GAN: variants seen among roughly 807,000 people sequenced by gnomAD.
GAN encodes the protein gigaxonin.
GAN carries 48 observed loss-of-function variants against 71.3 expected under a neutral mutation model. The ratio of observed to expected loss-of-function variants is 0.67; its 90% confidence interval spans 0.53 to 0.86. The LOEUF (loss-of-function observed/expected upper bound fraction) is 0.86, where lower values mean the gene tolerates loss of function less well. Among genes scored for constraint, GAN ranks in the 40% least tolerant of loss-of-function variants. The probability of loss-of-function intolerance (pLI) is 0.00; values close to 1 mark genes in which losing one functional copy is unlikely to be tolerated. For missense variants in GAN, 928 were observed against 770.1 expected (o/e 1.21, Z -2.43); for synonymous variants, 386 against 276.8 (o/e 1.39, Z -3.92).
chr16:81,354,855 A>G (rs1296280271), intron 3 of GAN, 100 bp downstream of exon 3: 3 of 729,402 alleles, frequency 4.1e-6, no homozygotes, highest in Non-Finnish European at 4.8e-6. Context: ...AAGACTTACG[A>G]TGCAGCAATC....
At chr16:81,359,767 A>T (rs1289647852) in intron 5 of GAN, among the ~76,000 whole-genome samples, 4 of 152,200 alleles carry the variant, frequency 2.6e-5, no homozygotes, top group African/African-American at 9.7e-5. Context: ...TGTTTTTACT[A>T]TACATCCATA....
chr16:81,317,213 A>T (rs1909073598), intron 1 of GAN, among the ~76,000 whole-genome samples: 1 of 152,216 alleles, frequency 6.6e-6, no homozygotes, highest in Non-Finnish European at 1.5e-5. Flanking sequence ...TGTGCCTATC[A>T]GTTAATGTAT....
chr16:81,326,779 G>A (rs1406971513), intron 1 of GAN, among the ~76,000 whole-genome samples: 3 of 152,152 alleles, frequency 2.0e-5, no homozygotes, highest in Non-Finnish European at 2.9e-5. Context: ...ACAACACAGC[G>A]GCAAGTATAT....
chr16:81,341,871 G>C (rs1909954559), intron 1 of GAN, among the ~76,000 whole-genome samples: 1 of 152,204 alleles, frequency 6.6e-6, no homozygotes, highest in Non-Finnish European at 1.5e-5. Context: ...CCATCAGTGT[G>C]CTGTGTTCAG....
intron 1 of GAN, among the ~76,000 whole-genome samples, chr16:81,337,301 C>A (rs1909796234): frequency 6.6e-6 from 1 of 152,184 alleles, no homozygotes; most frequent in Non-Finnish European, 1.5e-5. Flanking sequence ...CATTCGAAAT[C>A]ATGAGTAATG....
chr16:81,320,252 T>C (rs1421344620), intron 1 of GAN, among the ~76,000 whole-genome samples: 1 of 152,216 alleles, frequency 6.6e-6, no homozygotes, highest in African/African-American at 2.4e-5. Context: ...AGACATTATT[T>C]TTTGAATATC....
At chr16:81,346,862 C>G (rs146345150) in intron 1 of GAN, among the ~76,000 whole-genome samples, 62 of 152,312 alleles carry the variant, frequency 4.1e-4, no homozygotes, top group African/African-American at 1.1e-3. Flanking sequence ...ACTCTCACCT[C>G]CTCCAGTGTC....
At chr16:81,331,353 T>C (rs1017840176) in intron 1 of GAN, among the ~76,000 whole-genome samples, 2 of 152,200 alleles carry the variant, frequency 1.3e-5, no homozygotes, top group Non-Finnish European at 2.9e-5. Flanking sequence ...TGGGACTAGA[T>C]TGGATCCTAG....
chr16:81,351,541 C>A, intron 1 of GAN, 42 bp from the exon 2 acceptor site: 1 of 829,838 alleles, frequency 1.2e-6, no homozygotes, highest in Non-Finnish European at 2.1e-6. Flanking sequence ...ATAGCTATTT[C>A]TGTTCTTTCA....
chr16:81,369,316 G>A (rs1343518034), intron 9 of GAN, among the ~76,000 whole-genome samples: 1 of 152,126 alleles, frequency 6.6e-6, no homozygotes, highest in Non-Finnish European at 1.5e-5. Context: ...TAGAAAACCA[G>A]AAACAATACT....
chr16:81,330,019 T>C (rs8055879), intron 1 of GAN, among the ~76,000 whole-genome samples: 148,792 of 152,270 alleles, frequency 0.98, 72,768 homozygotes, highest in Non-Finnish European at 1. Context: ...AGAGATATCA[T>C]CACCTCGCTC....
chr16:81,364,953 A>G (rs1214221235), intron 7 of GAN, 21 bp from the exon 8 acceptor site: 1 of 1,613,288 alleles, frequency 6.2e-7, no homozygotes, highest in Admixed American at 1.7e-5. Context: ...CCTCTCCCCC[A>G]CCATTGTTCT....
chr16:81,315,195 C>G lies in GAN; in HGVS notation c.82C>G (p.Arg28Gly), dbSNP rs747806896. The change falls in exon 1 of 11, where the codon CGC becomes GGC. Residue 28 changes from arginine to glycine, a missense_variant. Arg to Gly is a moderately radical substitution (Grantham distance 125, BLOSUM62 -2). Coordinates refer to ENST00000648994, the MANE Select transcript of GAN (RefSeq NM_022041.4). ...RALSSFREES[R>G]FCDAHLVLDG... ...GCTCAGCTCTTTCCGCGAGGAGTCT[C>G]GCTTCTGCGACGCGCACCTGGTCCT... is the stretch of plus-strand genomic sequence containing the variant. The G allele has an allele frequency of 3.0e-5, 48 of 1,577,160 alleles. No individual in the cohort carries two copies. The highest frequency in any genetic ancestry group is 3.1e-5 in the Non-Finnish European group (36 of 1,164,070).
intron 1 of GAN, among the ~76,000 whole-genome samples, chr16:81,350,103 G>T (rs1214063306): frequency 1.3e-5 from 2 of 151,730 alleles, no homozygotes; most frequent in Non-Finnish European, 2.9e-5. Flanking sequence ...TTTTTAAAAG[G>T]CCCCTTTTAA....
chr16:81,334,850 C>G (rs1410382947), intron 1 of GAN, among the ~76,000 whole-genome samples: 1 of 152,206 alleles, frequency 6.6e-6, no homozygotes, highest in East Asian at 1.9e-4. Flanking sequence ...TCCACTGGTT[C>G]TCTAACCTGG....
rs1182736078 is a variant in GAN, at chr16:81,379,991, C to T, written c.*2395C>T. 6.6e-6 allele frequency: 1 copy of T among 151,982 alleles called. No homozygotes were observed. Among genetic ancestry groups the T allele is most frequent in the African/African-American group, 2.4e-5 (1 of 41,200 alleles). The allele number at this position is 151,982 out of a possible 1,614,324, so 9.4% of individuals were successfully genotyped here. A position where few individuals can be genotyped will look rare whatever the true frequency, so the allele number is the denominator to read the frequency against. On this transcript the variant is annotated 3_prime_UTR_variant, in exon 11 of 11. Coordinates refer to ENST00000648994, the MANE Select transcript of GAN (RefSeq NM_022041.4). ...ATAATGTTTTATAAAATAAATTTGC[C>T]ACATAATATGGGATGCAATAACCAA...
chr16:81,345,826 T>C (rs921191099), intron 1 of GAN, among the ~76,000 whole-genome samples: 1 of 152,218 alleles, frequency 6.6e-6, no homozygotes, highest in Non-Finnish European at 1.5e-5. Flanking sequence ...GCAAGACGCA[T>C]GCAAGTTTTC....
intron 9 of GAN, among the ~76,000 whole-genome samples, chr16:81,372,767 G>C: frequency 6.6e-6 from 1 of 152,218 alleles, no homozygotes; most frequent in East Asian, 1.9e-4. Context: ...TTTATGTTTA[G>C]GCCTGAAGAC....
chr16:81,326,271 ACTTTGGGAGG>A (rs1909383211), intron 1 of GAN, among the ~76,000 whole-genome samples: 1 of 151,798 alleles, frequency 6.6e-6, no homozygotes, highest in Admixed American at 6.6e-5. Flanking sequence ...TAATCCCAGC[ACTTTGGGAGG>A]CTGAAGCGGG....
Sources: gnomAD v4.1 joint callset for allele counts (sites outside exome capture counted in the v4.1 genomes callset) on GRCh38, gnomAD v4.1.1 for gene constraint, MANE v1.5 for transcripts, NCBI Gene and HGNC (gene_info 2026-07-23, HGNC 2026-07-21) for gene names.